Variants in CDCA5 observed in about 807,000 individuals in gnomAD.
CDCA5 encodes cell division cycle associated 5, also known as sororin.
A neutral mutation model predicts 25.7 loss-of-function variants in CDCA5; 14 were observed. That is an observed-to-expected ratio of 0.54 (90% CI 0.36 to 0.85). CDCA5 has a LOEUF of 0.85. Ranked by LOEUF, CDCA5 falls within the 40% of genes least tolerant of loss-of-function variation. CDCA5 has a pLI of 0.01. For synonymous variants in CDCA5, 127 were observed against 128.7 expected (o/e 0.99, Z 0.09); for missense variants, 307 against 324.5 (o/e 0.95, Z 0.41).
rs551415949 is a variant in CDCA5, at chr11:65,078,244, G to A, written c.*863C>T. ...TGTAAGAAATGGGTATGGGTGACAA[G>A]AGGGGCCACCTTCCACCCCTGCAGC... On this transcript the variant is annotated 3_prime_UTR_variant, in exon 6 of 6. Transcript: ENST00000275517. 1.0e-6 allele frequency: 1 copy of A among 985,448 alleles called. No homozygotes were observed. The highest frequency in any genetic ancestry group is 1.1e-4 in the East Asian group (1 of 8,804). 61.0% of individuals were successfully genotyped at this position (985,448 alleles called of 1,614,324 possible). A position where few individuals can be genotyped will look rare whatever the true frequency, so the allele number is the denominator to read the frequency against.
downstream of CDCA5, among the ~76,000 whole-genome samples, chr11:65,074,167 G>C (rs914349830): frequency 6.6e-6 from 1 of 152,128 alleles, no homozygotes; most frequent in African/African-American, 2.4e-5. Flanking sequence ...CCACCTCCTG[G>C]GTTCAAGCCA....
chr11:65,068,685 G>T, intron 1 of CDCA5: 3 of 790,134 alleles, frequency 3.8e-6, no homozygotes, highest in Non-Finnish European at 5.5e-6. Context: ...TTTAGGGGGC[G>T]GCTTCCAGCC....
intron 4 of CDCA5, among the ~76,000 whole-genome samples, chr11:65,082,296 G>A (rs1947584372): frequency 6.6e-6 from 1 of 152,160 alleles, no homozygotes; most frequent in African/African-American, 2.4e-5. Flanking sequence ...CATGAGTGTG[G>A]CTTTTGTGCC....
rs1300989446 is a variant in CDCA5 at position 65,079,288 on chromosome 11, C to T, written c.678+65G>A. 7 of 1,612,078 alleles carry T rather than the reference C, an allele frequency of 4.3e-6. No homozygotes were observed. In the South Asian group the frequency reaches 7.7e-5, roughly 18 times the overall value. ...GGTGCTGCCTATCCCCCAAAAGAGCCAGAGCCCCAGCCCTGCACGTCTCCC... is the reference window on the plus strand; with the variant it reads ...GGTGCTGCCTATCCCCCAAAAGAGCTAGAGCCCCAGCCCTGCACGTCTCCC... On this transcript the variant is annotated intron_variant, in intron 5 of 5. Coordinates refer to ENST00000275517, the MANE Select transcript of CDCA5 (RefSeq NM_080668.4).
chr11:65,068,476 G>T, intron 2 of CDCA5: 3 of 1,278,500 alleles, frequency 2.3e-6, no homozygotes, highest in Non-Finnish European at 2.0e-6. Context: ...AGGCCCTGGG[G>T]TTTCCCATCA....
rs1947497164 is a variant in CDCA5, at chr11:65,078,858, G to A, written c.*249C>T. The A allele has an allele frequency of 2.5e-6, 3 of 1,214,760 alleles. No individual in the cohort carries two copies. Among genetic ancestry groups the A allele is most frequent in the African/African-American group, 3.1e-5 (2 of 64,114 alleles). The allele number at this position is 1,214,760 out of a possible 1,614,324, so 75.2% of individuals were successfully genotyped here. On this transcript the variant is annotated 3_prime_UTR_variant, in exon 6 of 6. Coordinates refer to ENST00000275517, the MANE Select transcript of CDCA5 (RefSeq NM_080668.4). ...GAAACTGGCTATGGTACTTTGGGGA[G>A]ATAGGAAGGACAGGACGACAAGAGA...
chr11:65,083,098 G>A (rs961394125), intron 4 of CDCA5, among the ~76,000 whole-genome samples: 3 of 152,320 alleles, frequency 2.0e-5, no homozygotes, highest in African/African-American at 7.2e-5. Flanking sequence ...TAATGGATTA[G>A]AAAGGCAGTA....
At chr11:65,069,019 C>T (rs1216486958) in intron 1 of CDCA5, among the ~76,000 whole-genome samples, 1 of 152,094 alleles carries the variant, frequency 6.6e-6, no homozygotes, top group Admixed American at 6.6e-5. Flanking sequence ...GCGGGAGGAT[C>T]GCTTGAGCCC....
chr11:65,068,233 G>A (rs1369582230), intron 2 of CDCA5: 12 of 628,602 alleles, frequency 1.9e-5, no homozygotes, highest in East Asian at 6.7e-5. Flanking sequence ...GGGCCCCATC[G>A]TCTGTATCCC....
At chr11:65,079,270 C>A in intron 5 of CDCA5, 83 bp from the exon 6 acceptor site, 1 of 1,608,060 alleles carries the variant, frequency 6.2e-7, no homozygotes, top group Non-Finnish European at 8.5e-7. Flanking sequence ...GCAGGTGCTG[C>A]CTATCCCCCA....
In CDCA5 at chr11:65,078,533, T is replaced by C. The variant is rs191847153; in HGVS notation, c.*574A>G. The C allele has an allele frequency of 3.4e-4, 339 of 985,700 alleles. 2 individuals are homozygous for C. The African/African-American group carries it at 5.6e-3, about 16-fold the overall frequency. 61.1% of individuals were successfully genotyped at this position (985,700 alleles called of 1,614,324 possible). On this transcript the variant is annotated 3_prime_UTR_variant, in exon 6 of 6. Transcript: ENST00000275517. ...CAAAACTCAGACTCCACAGGCTGAA[T>C]GTCCAGCTTCTTCCTCCAAGACAGA...
At chr11:65,063,442 C>T (rs1947203968), downstream of CDCA5, among the ~76,000 whole-genome samples, 1 of 152,184 alleles carries the variant, frequency 6.6e-6, no homozygotes, top group Non-Finnish European at 1.5e-5. Context: ...GATCAGATAA[C>T]AGTCGCCAAC....
At chr11:65,071,804 C>T (rs1184919087) in intron 1 of CDCA5, among the ~76,000 whole-genome samples, 1 of 152,144 alleles carries the variant, frequency 6.6e-6, no homozygotes, top group East Asian at 1.9e-4. Context: ...GACTGGGGTC[C>T]TCTCAGGGTC....
chr11:65,080,236 A>G (rs1004951796), intron 4 of CDCA5, among the ~76,000 whole-genome samples: 8 of 152,090 alleles, frequency 5.3e-5, no homozygotes, highest in Admixed American at 2.0e-4. Context: ...CCTGAAAGAG[A>G]CATGGAGAGA....
intron 4 of CDCA5, among the ~76,000 whole-genome samples, chr11:65,080,407 G>C (rs1382575977): frequency 2.0e-5 from 3 of 152,004 alleles, no homozygotes; most frequent in Admixed American, 6.6e-5. Flanking sequence ...GACCAGCTCA[G>C]CAACGTTTTT....
chr11:65,066,359 G>A (rs539985484), downstream of CDCA5: 100 of 1,180,376 alleles, frequency 8.5e-5, no homozygotes, highest in East Asian at 1.2e-4. Context: ...GCGGCCTCCC[G>A]AGGAGGTGTC....
At chr11:65,077,302 T>C (rs1183696683), downstream of CDCA5, 3 of 195,432 alleles carry the variant, frequency 1.5e-5, no homozygotes, top group Admixed American at 6.6e-5. Context: ...AAAAAAAAAG[T>C]GTGTGGGGCA....
Position 65,079,662 on chromosome 11 carries a change from C to A in CDCA5, c.369G>T (p.Glu123Asp), listed in dbSNP as rs376171306. ...TSTPVPNPEA[E>D]SSSKEGELDA... ...CCAGCTCTCCTTCCTTGGAGCTGGACTCGGCCTCAGGGTTCGGCACAGGAG... is the reference window on the plus strand; with the variant it reads ...CCAGCTCTCCTTCCTTGGAGCTGGAATCGGCCTCAGGGTTCGGCACAGGAG... The change falls in exon 5 of 6, where the codon GAG becomes GAT. Residue 123 changes from glutamate (E) to aspartate (D), a missense_variant. Transcript: ENST00000275517. 1.2e-6 allele frequency: 2 copies of A among 1,604,284 alleles called. No individual in the cohort carries two copies. Among genetic ancestry groups the A allele is most frequent in the South Asian group, 2.2e-5 (2 of 90,134 alleles).
At chr11:65,067,769 A>T in intron 3 of CDCA5, 1 of 1,234,206 alleles carries the variant, frequency 8.1e-7, no homozygotes, top group Non-Finnish European at 1.1e-6. Context: ...GCAAGTGGGT[A>T]GTGAAGGTCA....
Sources: allele counts gnomAD v4.1 joint callset (sites outside exome capture counted in the v4.1 genomes callset), GRCh38; gene constraint gnomAD v4.1.1; transcripts MANE v1.5; gene names NCBI Gene and HGNC (gene_info 2026-07-23, HGNC 2026-07-21).